SHC3: variants seen among roughly 807,000 people sequenced by gnomAD.
The protein encoded by SHC3 is SHC-transforming protein 3.
A neutral mutation model predicts 60.4 loss-of-function variants in SHC3; 15 were observed. The ratio of observed to expected loss-of-function variants is 0.25; its 90% CI spans 0.17 to 0.38. SHC3 has a LOEUF of 0.38. Among genes scored for constraint, SHC3 ranks in the 10% least tolerant of loss-of-function variants. The probability of loss-of-function intolerance (pLI) is 1.00; values close to 1 mark genes in which losing one functional copy is unlikely to be tolerated. For missense variants in SHC3, 677 were observed against 786.1 expected, an observed-to-expected ratio of 0.86 and a Z score of 1.66; for synonymous variants, 294 against 325.9, an observed-to-expected ratio of 0.90 and a Z score of 1.05.
At chr9:89,031,019 T>C (rs1824478620) in intron 11 of SHC3, among the ~76,000 whole-genome samples, 1 of 152,138 alleles carries the variant, frequency 6.6e-6, no homozygotes, top group Non-Finnish European at 1.5e-5. Flanking sequence ...GCCTCTCAAG[T>C]AGCTGGGATT....
At chr9:89,146,631 G>A (rs1018733119) in intron 1 of SHC3, among the ~76,000 whole-genome samples, 2 of 152,178 alleles carry the variant, frequency 1.3e-5, no homozygotes, top group African/African-American at 4.8e-5. Flanking sequence ...GAGGGGAAGG[G>A]AAAGGAGGCA....
chr9:89,012,325 G>A lies in SHC3; in HGVS notation c.*1122C>T, dbSNP rs971392775. ...GGCACATGCTCTTCCCTGCAGCAAC[G>A]GAGAAACCTTGTTGTTGGGACAGCA... is the stretch of plus-strand genomic sequence containing the variant. On this transcript the variant is annotated 3_prime_UTR_variant, in exon 12 of 12. Coordinates refer to ENST00000375835, the MANE Select transcript of SHC3 (RefSeq NM_016848.6). The A allele has an allele frequency of 4.6e-5, 7 of 152,156 alleles. No individual in the cohort carries two copies. The highest frequency in any genetic ancestry group is 1.3e-4 in the Admixed American group (2 of 15,280). 9.4% of individuals were successfully genotyped at this position (152,156 alleles called of 1,614,324 possible).
At chr9:89,120,112 T>A (rs964064874) in intron 1 of SHC3, among the ~76,000 whole-genome samples, 1 of 152,142 alleles carries the variant, frequency 6.6e-6, no homozygotes, top group African/African-American at 2.4e-5. Context: ...TACACAAATA[T>A]AAACGCTAAA....
At chr9:89,104,108 T>C (rs941538101) in intron 2 of SHC3, among the ~76,000 whole-genome samples, 9 of 152,152 alleles carry the variant, frequency 5.9e-5, no homozygotes, top group Non-Finnish European at 1.2e-4. Flanking sequence ...ATTTAAACCA[T>C]TCTCAGTCAC....
intron 2 of SHC3, among the ~76,000 whole-genome samples, chr9:89,087,042 C>G (rs999639144): frequency 2.6e-5 from 4 of 152,202 alleles, no homozygotes; most frequent in Non-Finnish European, 4.4e-5. Context: ...TTCCACCATG[C>G]ATGCGCACAC....
At chr9:89,124,347 C>T (rs991288428) in intron 1 of SHC3, among the ~76,000 whole-genome samples, 1 of 152,122 alleles carries the variant, frequency 6.6e-6, no homozygotes, top group African/African-American at 2.4e-5. Flanking sequence ...AGTATATATG[C>T]AAAGAATTAT....
Position 89,112,020 on chromosome 9 carries a change from C to G in SHC3, c.545+536G>C, listed in dbSNP as rs1825954690. Among the ~76,000 whole-genome samples the G allele has an allele frequency of 2.0e-5, 3 of 152,074 alleles. No individual in the cohort carries two copies. In the South Asian group the frequency reaches 6.2e-4, roughly 32 times the overall value. On this transcript the variant is annotated intron_variant, in intron 2 of 11. Coordinates refer to ENST00000375835, the MANE Select transcript of SHC3 (RefSeq NM_016848.6). ...AAAAAACCAGTGCTTAAATACTGCC[C>G]CTGAAGAAGTTTTGATTCTACTTGG...
chr9:89,016,544 A>G (rs1826097344), intron 11 of SHC3, among the ~76,000 whole-genome samples: 1 of 152,208 alleles, frequency 6.6e-6, no homozygotes, highest in Admixed American at 6.5e-5. Context: ...AACCTTCTGA[A>G]ACAGAAAACA....
intron 1 of SHC3, among the ~76,000 whole-genome samples, chr9:89,166,446 G>A (rs1358273290): frequency 1.3e-5 from 2 of 152,118 alleles, no homozygotes; most frequent in Admixed American, 6.5e-5. Context: ...TGGCAAGACT[G>A]GAAAAAATCC....
intron 2 of SHC3, among the ~76,000 whole-genome samples, chr9:89,081,861 C>T (rs142001734): frequency 4.5e-4 from 69 of 152,268 alleles, no homozygotes; most frequent in African/African-American, 1.5e-3. Context: ...CAGGTGGCCA[C>T]GGAAGAAAGT....
At chr9:89,051,433 T>C (rs987396690) in intron 7 of SHC3, among the ~76,000 whole-genome samples, 5 of 152,170 alleles carry the variant, frequency 3.3e-5, no homozygotes, top group Admixed American at 2.0e-4. Context: ...CTCTTCACAC[T>C]CACTATTTTG....
intron 11 of SHC3, among the ~76,000 whole-genome samples, chr9:89,016,729 G>A (rs1826101375): frequency 6.6e-6 from 1 of 152,148 alleles, no homozygotes; most frequent in African/African-American, 2.4e-5. Context: ...AAACTATAGT[G>A]CAATATCTCT....
At chr9:89,030,516 T>C (rs1392822347) in intron 11 of SHC3, among the ~76,000 whole-genome samples, 1 of 152,108 alleles carries the variant, frequency 6.6e-6, no homozygotes, top group Non-Finnish European at 1.5e-5. Context: ...ATAATCTGAA[T>C]AGACCTATAA....
chr9:89,142,686 A>G (rs921992352), intron 1 of SHC3, among the ~76,000 whole-genome samples: 9 of 151,894 alleles, frequency 5.9e-5, no homozygotes, highest in Non-Finnish European at 1.2e-4. Context: ...AAAAAAAAAA[A>G]AAAAAGGCGG....
rs71507784 is a variant in SHC3, at chr9:89,013,144, AT to A, written c.*302del. The stretch of plus-strand genomic sequence containing the variant: ...TGCCTGGACAACTACAGTTAAACTT[AT>A]TTTTTTTTTTCATTAAAAACATACA... On this transcript the variant is annotated 3_prime_UTR_variant, in exon 12 of 12. Transcript: ENST00000375835. The A allele has an allele frequency of 2.2e-4, 36 of 167,206 alleles. No homozygotes were observed. Among genetic ancestry groups the A allele is most frequent in the African/African-American group, 6.8e-4 (27 of 39,914 alleles). The allele number at this position is 167,206 out of a possible 1,614,324, so 10.4% of individuals were successfully genotyped here.
chr9:89,036,144 G>T (rs1378063256), intron 11 of SHC3, among the ~76,000 whole-genome samples: 1 of 151,918 alleles, frequency 6.6e-6, no homozygotes, highest in Non-Finnish European at 1.5e-5. Context: ...TCAGATAGAT[G>T]AAAAAAGCAA....
intron 2 of SHC3, among the ~76,000 whole-genome samples, chr9:89,086,272 C>T (rs1825528648): frequency 6.6e-6 from 1 of 152,172 alleles, no homozygotes; most frequent in African/African-American, 2.4e-5. Flanking sequence ...ATCTCAGTCC[C>T]ACAGGGGTAA....
chr9:89,105,094 C>T (rs1332606374), intron 2 of SHC3, among the ~76,000 whole-genome samples: 1 of 152,164 alleles, frequency 6.6e-6, no homozygotes, highest in Non-Finnish European at 1.5e-5. Context: ...TCTAACCTTA[C>T]ACTCATTTTC....
rs570285387 is a variant in SHC3, at chr9:89,009,941, C to G, written c.*3506G>C. 6.6e-6 allele frequency: 1 copy of G among 152,402 alleles called. No individual in the cohort carries two copies. Among genetic ancestry groups the G allele is most frequent in the South Asian group, 2.1e-4 (1 of 4,832 alleles). 9.4% of individuals were successfully genotyped at this position (152,402 alleles called of 1,614,324 possible). On this transcript the variant is annotated 3_prime_UTR_variant, in exon 12 of 12. Transcript: ENST00000375835. ...CCCAGCACCAGACATGGAGGTTGGG[C>G]TGGACACACATGTCCACTGTTCCCC...
Sources: gnomAD v4.1 joint callset for allele counts (sites outside exome capture counted in the v4.1 genomes callset) on GRCh38, gnomAD v4.1.1 for gene constraint, MANE v1.5 for transcripts, NCBI Gene and HGNC (gene_info 2026-07-23, HGNC 2026-07-21) for gene names.